Variants in DENND1A observed in about 807,000 individuals in gnomAD.
DENND1A encodes the protein DENN domain-containing protein 1A.
DENND1A carries 51 observed loss-of-function variants against 113.7 expected under a neutral mutation model. The observed-to-expected ratio is 0.45, with a 90% confidence interval of 0.36 to 0.57. DENND1A has a LOEUF of 0.57. Among genes scored for constraint, DENND1A ranks in the 20% least tolerant of loss-of-function variants. DENND1A has a pLI of 0.00. For missense variants in DENND1A, 1,258 were observed against 1,395.9 expected, an observed-to-expected ratio of 0.90 and a Z score of 1.57; for synonymous variants, 565 against 570.8, an observed-to-expected ratio of 0.99 and a Z score of 0.14.
At chr9:123,895,209 T>C (rs1278239481) in intron 1 of DENND1A, among the ~76,000 whole-genome samples, 3 of 152,128 alleles carry the variant, frequency 2.0e-5, no homozygotes, top group South Asian at 2.1e-4. Flanking sequence ...GCTGGGACCA[T>C]AGCTGCATGC....
chr9:123,868,315 T>A (rs1406346160), intron 2 of DENND1A, among the ~76,000 whole-genome samples: 1 of 152,352 alleles, frequency 6.6e-6, no homozygotes, highest in Admixed American at 6.5e-5. Context: ...ATCTACTTTG[T>A]CTAGTTACTT....
chr9:123,416,110 G>T (rs2044705962), intron 19 of DENND1A, among the ~76,000 whole-genome samples: 1 of 152,160 alleles, frequency 6.6e-6, no homozygotes, highest in Non-Finnish European at 1.5e-5. Flanking sequence ...TTGGTGTGAG[G>T]CCCGAGAGGA....
intron 13 of DENND1A, among the ~76,000 whole-genome samples, chr9:123,484,397 C>G (rs1485858399): frequency 3.3e-5 from 5 of 152,184 alleles, no homozygotes; most frequent in Admixed American, 1.3e-4. Flanking sequence ...CCAGACAGCC[C>G]TCTGGTACTG....
chr9:123,533,634 G>A (rs2055503948), intron 13 of DENND1A, among the ~76,000 whole-genome samples: 1 of 152,218 alleles, frequency 6.6e-6, no homozygotes, highest in Non-Finnish European at 1.5e-5. Flanking sequence ...CAACCAGTCA[G>A]GTAGGTGGAG....
At chr9:123,472,611 C>T (rs960773186) in intron 13 of DENND1A, among the ~76,000 whole-genome samples, 1 of 152,094 alleles carries the variant, frequency 6.6e-6, no homozygotes, top group Non-Finnish European at 1.5e-5. Flanking sequence ...GGGAAACATG[C>T]CCAGGAGGCT....
chr9:123,542,734 C>T (rs2056379517), intron 13 of DENND1A, among the ~76,000 whole-genome samples: 1 of 152,072 alleles, frequency 6.6e-6, no homozygotes. Context: ...TCACCTCCTC[C>T]CTGACTCAAG....
At chr9:123,833,122 CAAAAAAAAAA>C (rs1163844269) in intron 2 of DENND1A, among the ~76,000 whole-genome samples, 2 of 27,568 alleles carry the variant, frequency 7.3e-5, no homozygotes, top group Admixed American at 5.2e-4. Flanking sequence ...GACCTCATCT[CAAAAAAAAAA>C]AAAAAAAAAA....
intron 13 of DENND1A, among the ~76,000 whole-genome samples, chr9:123,543,682 T>G (rs1293707014): frequency 6.6e-6 from 1 of 152,192 alleles, no homozygotes; most frequent in East Asian, 1.9e-4. Flanking sequence ...TCCTGCCCCC[T>G]GCTCCTGGGG....
intron 2 of DENND1A, among the ~76,000 whole-genome samples, chr9:123,810,141 G>C (rs558931840): frequency 6.6e-6 from 1 of 152,118 alleles, no homozygotes; most frequent in Non-Finnish European, 1.5e-5. Context: ...GAATAACAAA[G>C]ATTACTGGCC....
intron 13 of DENND1A, among the ~76,000 whole-genome samples, chr9:123,497,465 A>T (rs1287316433): frequency 6.6e-6 from 1 of 152,140 alleles, no homozygotes; most frequent in Non-Finnish European, 1.5e-5. Context: ...CTACAGATGC[A>T]CAACACCATG....
At chr9:123,507,196 CAAAG>C (rs899735827) in intron 13 of DENND1A, among the ~76,000 whole-genome samples, 19 of 151,840 alleles carry the variant, frequency 1.3e-4, no homozygotes, top group Admixed American at 6.6e-5. Context: ...CTCAAAAAGA[CAAAG>C]AAAGAAAGAA....
rs533034091 is a variant in DENND1A, at chr9:123,603,363, G to A, written c.765+6073C>T. Among the ~76,000 whole-genome samples, 12 of 152,236 alleles carry A rather than the reference G, an allele frequency of 7.9e-5. No homozygotes were observed. In the East Asian group the frequency reaches 1.7e-3, roughly 22 times the overall value. On this transcript the variant is annotated intron_variant, in intron 11 of 23. Coordinates refer to ENST00000394215, the MANE Select transcript of DENND1A (RefSeq NM_001352964.2). ...GTGTAAAAGCTCCATAGTTAAATTG[G>A]GAACCTTGTTGTAGACATAGACAAA...
chr9:123,420,643 T>G (rs1449709962), intron 19 of DENND1A, among the ~76,000 whole-genome samples: 1 of 152,160 alleles, frequency 6.6e-6, no homozygotes, highest in Non-Finnish European at 1.5e-5. Context: ...AGCAGTGCAT[T>G]CTTCCCCGAT....
intron 2 of DENND1A, among the ~76,000 whole-genome samples, chr9:123,815,941 AAAC>A (rs1215368255): frequency 1.3e-5 from 2 of 152,004 alleles, no homozygotes; most frequent in African/African-American, 2.4e-5. Context: ...GCAGAAAAAG[AAAC>A]AACAATTATC....
chr9:123,428,989 C>T (rs979876178), intron 19 of DENND1A, among the ~76,000 whole-genome samples: 6 of 152,084 alleles, frequency 3.9e-5, no homozygotes, highest in Admixed American at 6.5e-5. Context: ...AGATTCAATG[C>T]TAATCCCATT....
At chr9:123,621,846 T>G (rs2060979680) in intron 10 of DENND1A, among the ~76,000 whole-genome samples, 1 of 152,238 alleles carries the variant, frequency 6.6e-6, no homozygotes, top group Non-Finnish European at 1.5e-5. Context: ...TCTGATTAAC[T>G]GGATGTTACT....
chr9:123,637,431 A>C (rs541744305), intron 9 of DENND1A, among the ~76,000 whole-genome samples: 7 of 152,304 alleles, frequency 4.6e-5, no homozygotes, highest in African/African-American at 1.4e-4. Flanking sequence ...CCATGATTCA[A>C]ACACTGCTGT....
intron 2 of DENND1A, among the ~76,000 whole-genome samples, chr9:123,824,717 T>C (rs1188227100): frequency 6.6e-6 from 1 of 152,202 alleles, no homozygotes; most frequent in Non-Finnish European, 1.5e-5. Context: ...TGTAAACTGT[T>C]AATTTATTGG....
chr9:123,514,909 A>G (rs1196288176), intron 13 of DENND1A, among the ~76,000 whole-genome samples: 1 of 152,206 alleles, frequency 6.6e-6, no homozygotes, highest in Non-Finnish European at 1.5e-5. Flanking sequence ...CACGGAGGAA[A>G]GGGCTGACTC....
Sources: allele counts gnomAD v4.1 joint callset (sites outside exome capture counted in the v4.1 genomes callset), GRCh38; gene constraint gnomAD v4.1.1; transcripts MANE v1.5; gene names NCBI Gene and HGNC (gene_info 2026-07-23, HGNC 2026-07-21).